CFAP20DC: variants seen among roughly 807,000 people sequenced by gnomAD.
CFAP20DC encodes CFAP20 domain containing.
Under a neutral mutation model 101.7 loss-of-function variants are expected in CFAP20DC, and 84 were observed. That is an observed-to-expected ratio of 0.83 (90% CI 0.69 to 0.99). The LOEUF (loss-of-function observed/expected upper bound fraction) is 0.99, where lower values mean the gene tolerates loss of function less well. CFAP20DC is among the 50% of genes least tolerant of loss of function. CFAP20DC has a pLI of 0.00. For synonymous variants in CFAP20DC, 359 were observed against 351.2 expected (o/e 1.02, Z -0.25); for missense variants, 1,007 against 970.3 (o/e 1.04, Z -0.50).
rs1475127699 is a variant in CFAP20DC, at chr3:58,859,741, CA to C, written c.1593+3816del. Among the ~76,000 whole-genome samples, 1 of 152,140 alleles carries C rather than the reference CA, an allele frequency of 6.6e-6. No individual in the cohort carries two copies. The highest frequency in any genetic ancestry group is 1.5e-5 in the Non-Finnish European group (1 of 68,024). On this transcript the variant is annotated intron_variant, in intron 12 of 16. Transcript: ENST00000482387. This position sits in a 1 kb window ranked among gnomAD's most constrained non-coding sequence, Gnocchi z 4.1. ...GAATAAAAATGCAAGGCAGTATATT[CA>C]AAATAGAGTCTTTTCATTTTTTCCC...
intron 3 of CFAP20DC, among the ~76,000 whole-genome samples, chr3:59,043,363 G>A (rs1247549595): frequency 1.3e-5 from 2 of 151,998 alleles, no homozygotes; most frequent in Non-Finnish European, 2.9e-5. Context: ...ATATAAGAAG[G>A]AGGTGTCAAC....
chr3:58,806,081 C>T (rs911207425), intron 15 of CFAP20DC, among the ~76,000 whole-genome samples: 2 of 152,128 alleles, frequency 1.3e-5, no homozygotes. Flanking sequence ...TTGCCATGTG[C>T]CAAGAACTGT....
intron 6 of CFAP20DC, among the ~76,000 whole-genome samples, chr3:58,904,913 A>T (rs917586557): frequency 2.0e-5 from 3 of 152,194 alleles, no homozygotes; most frequent in African/African-American, 7.2e-5. Flanking sequence ...TATTGAACGG[A>T]GACAGTGAAT....
At chr3:58,983,457 G>A (rs2108530268) in intron 4 of CFAP20DC, among the ~76,000 whole-genome samples, 1 of 152,210 alleles carries the variant, frequency 6.6e-6, no homozygotes, top group Non-Finnish European at 1.5e-5. Context: ...ACTCAATTTA[G>A]ATGGCAGTTT....
At chr3:58,848,656 A>T (rs369249155) in intron 13 of CFAP20DC, among the ~76,000 whole-genome samples, 127 of 152,306 alleles carry the variant, frequency 8.3e-4, no homozygotes, top group Middle Eastern at 3.4e-3. Context: ...ATGGCTCCTA[A>T]TGTAGATTGT....
At position 58,908,871 on chromosome 3, in the gene CFAP20DC, C is replaced by T. The variant is rs190797393; in HGVS notation, c.550+4837G>A. Among the ~76,000 whole-genome samples the T allele has an allele frequency of 9.2e-5, 14 of 152,062 alleles. No individual in the cohort carries two copies. The South Asian group carries it at 1.0e-3, about 11-fold the overall frequency. ...AACAGATATGGAGGGACCTTAAATG[C>T]GTATTACTAAGTGAAAGAAGCCAAT... On this transcript the variant is annotated intron_variant, in intron 6 of 16. Transcript: ENST00000482387.
At chr3:58,986,256 G>A (rs866816984) in intron 4 of CFAP20DC, among the ~76,000 whole-genome samples, 53 of 152,220 alleles carry the variant, frequency 3.5e-4, no homozygotes, top group African/African-American at 1.2e-3. Context: ...TGATGCCAAA[G>A]TAGGGTATGT....
At chr3:58,801,217 G>A (rs771099327) in intron 15 of CFAP20DC, among the ~76,000 whole-genome samples, 51 of 152,270 alleles carry the variant, frequency 3.3e-4, no homozygotes, top group Non-Finnish European at 6.3e-4. Flanking sequence ...AAATCTGTGG[G>A]AATGAGATTA....
At chr3:58,989,255 G>C (rs2092853760) in intron 4 of CFAP20DC, among the ~76,000 whole-genome samples, 1 of 152,044 alleles carries the variant, frequency 6.6e-6, no homozygotes. Context: ...TCTATCATTG[G>C]CTCTAGATCT....
At chr3:59,038,264 A>G (rs1458061025) in intron 4 of CFAP20DC, among the ~76,000 whole-genome samples, 1 of 152,190 alleles carries the variant, frequency 6.6e-6, no homozygotes, top group Non-Finnish European at 1.5e-5. Context: ...CATGTATCCC[A>G]TAACTTAAAG....
chr3:59,049,563 C>A, intron 1 of CFAP20DC, 48 bp downstream of exon 1: 1 of 1,511,064 alleles, frequency 6.6e-7, no homozygotes, highest in South Asian at 1.2e-5. Flanking sequence ...GACTACCTCA[C>A]CCAAGAGGAG....
chr3:58,806,206 T>A (rs1402732478), intron 15 of CFAP20DC, among the ~76,000 whole-genome samples, 189 bp downstream of exon 15: 1 of 152,216 alleles, frequency 6.6e-6, no homozygotes, highest in Non-Finnish European at 1.5e-5. Flanking sequence ...AGGTAGATAT[T>A]TAAACCTAGG....
At chr3:58,770,964 C>T (rs376493219) in intron 15 of CFAP20DC, among the ~76,000 whole-genome samples, 20 of 152,178 alleles carry the variant, frequency 1.3e-4, no homozygotes, top group South Asian at 2.1e-4. Context: ...ATGTTTATCG[C>T]GGCACTATTC....
chr3:58,999,041 A>G (rs1475450412), intron 4 of CFAP20DC, among the ~76,000 whole-genome samples: 1 of 152,230 alleles, frequency 6.6e-6, no homozygotes, highest in Non-Finnish European at 1.5e-5. Flanking sequence ...ACACCTAGGG[A>G]AAGTTTATTA....
chr3:58,867,237 G>A (rs994706424), intron 10 of CFAP20DC, among the ~76,000 whole-genome samples: 8 of 152,144 alleles, frequency 5.3e-5, no homozygotes, highest in Non-Finnish European at 1.5e-5. Flanking sequence ...GATACACTGG[G>A]TGGGATTCAG....
At chr3:58,786,187 C>T (rs1485937347) in intron 15 of CFAP20DC, among the ~76,000 whole-genome samples, 1 of 152,162 alleles carries the variant, frequency 6.6e-6, no homozygotes, top group Non-Finnish European at 1.5e-5. Flanking sequence ...ACTAACAACT[C>T]ATGGAGGTTG....
At chr3:58,984,185 A>G (rs563463059) in intron 4 of CFAP20DC, among the ~76,000 whole-genome samples, 1 of 152,274 alleles carries the variant, frequency 6.6e-6, no homozygotes, top group Non-Finnish European at 1.5e-5. Flanking sequence ...AATTTTCTCT[A>G]CTTAGATAAA....
intron 4 of CFAP20DC, among the ~76,000 whole-genome samples, chr3:59,013,165 T>C (rs1445793047): frequency 2.0e-5 from 3 of 152,174 alleles, no homozygotes; most frequent in African/African-American, 7.2e-5. Flanking sequence ...CGATCATTGC[T>C]AGGTTACATG....
intron 14 of CFAP20DC, among the ~76,000 whole-genome samples, chr3:58,825,331 A>G (rs6782432): frequency 0.98 from 148,615 of 152,262 alleles, 72,571 homozygotes; most frequent in East Asian, 1. Context: ...GCTAAGCACC[A>G]GGCACATGCA....
Sources: gnomAD v4.1 joint callset for allele counts (sites outside exome capture counted in the v4.1 genomes callset) on GRCh38, gnomAD v4.1.1 for gene constraint, Gnocchi (gnomAD v3.1) non-coding constraint, MANE v1.5 for transcripts, NCBI Gene and HGNC (gene_info 2026-07-23, HGNC 2026-07-21) for gene names.